The following NOC2L variants were observed in gnomAD, a reference collection of about 807,000 sequenced individuals.
The protein encoded by NOC2L is NOC2 like nucleolar associated transcriptional repressor.
NOC2L carries 101 observed loss-of-function variants against 94.2 expected under a neutral mutation model. The ratio of observed to expected loss-of-function variants is 1.07; its 90% CI spans 0.91 to 1.26. The LOEUF is 1.26. NOC2L is among the 50% of genes most tolerant of loss of function. NOC2L has a pLI of 0.00. For synonymous variants in NOC2L, 531 were observed against 413.4 expected (o/e 1.28, Z -3.45); for missense variants, 1,076 against 980.1 (o/e 1.10, Z -1.31).
chr1:955,019 C>T (rs971483507), intron 6 of NOC2L, among the ~76,000 whole-genome samples: 2 of 152,242 alleles, frequency 1.3e-5, no homozygotes, highest in Non-Finnish European at 2.9e-5. Context: ...TGCAGCTGCC[C>T]ACCCAGACCC....
Position 959,254 on chromosome 1 carries a change from A to G in NOC2L, c.-14T>C, listed in dbSNP as rs1437445890. The G allele has an allele frequency of 6.2e-7, 1 of 1,602,788 alleles. No individual in the cohort carries two copies. Among genetic ancestry groups the G allele is most frequent in the South Asian group, 1.1e-5 (1 of 89,890 alleles). On this transcript the variant is annotated 5_prime_UTR_variant, in exon 1 of 19. Transcript: ENST00000327044. Reference sequence around the variant, plus strand: ...CGCAGCTGCCATGACACCAACCCGAAGCGTGCACCCCACTTCCGGCCCCAG... The same window carrying G: ...CGCAGCTGCCATGACACCAACCCGAGGCGTGCACCCCACTTCCGGCCCCAG...
chr1:944,778 C>T lies in NOC2L; in HGVS notation c.2166G>A (p.Ala722=), dbSNP rs762600719. The T allele has an allele frequency of 6.3e-6, 10 of 1,596,594 alleles. No individual in the cohort carries two copies. Among genetic ancestry groups the T allele is most frequent in the African/African-American group, 2.7e-5 (2 of 74,490 alleles). ...NSEDGDPDAE[A]GLAPGELQQL... is the part of the protein sequence containing the mutation. ...GCTGCAGCTCCCCAGGGGCCAGCCC[C>T]GCCTCTGCGTCTGGGTCTCCATCTG... Residue 722 remains alanine (A), a synonymous_variant, in exon 19 of 19, where the codon GCG becomes GCA. Coordinates refer to ENST00000327044, the MANE Select transcript of NOC2L (RefSeq NM_015658.4).
At chr1:956,255 G>A (rs1244990422) in intron 4 of NOC2L, 40 bp from the exon 5 acceptor site, 6 of 1,606,958 alleles carry the variant, frequency 3.7e-6, no homozygotes, top group Non-Finnish European at 5.1e-6. Context: ...GGGGAGCTGA[G>A]ACTGCACTTG....
At chr1:958,532 G>C (rs1163156502) in intron 2 of NOC2L, 1 of 390,670 alleles carries the variant, frequency 2.6e-6, no homozygotes, top group African/African-American at 2.1e-5. Flanking sequence ...TTACAGGCGT[G>C]AGCCACCGAG....
Position 948,549 on chromosome 1 carries a change from T to C in NOC2L, c.1498A>G (p.Ile500Val), listed in dbSNP as rs780173891. ...RKPGRMSSKPINFSVILKLSN... is the reference protein window; with the variant it reads ...RKPGRMSSKPVNFSVILKLSN... ...AGCTTCAGGATCACGGAGAAGTTGA[T>C]GGGCTTGGAGCTCATGCGCCCTGGC... is the stretch of plus-strand genomic sequence containing the variant. The change falls in exon 13 of 19, where the codon ATC becomes GTC. Residue 500 changes from isoleucine (I) to valine (V), a missense_variant. Physicochemically the swap from Ile to Val is conservative, Grantham distance 29 (BLOSUM62 3). This residue lies in a region of NOC2L where 615 missense variants were observed against 577.4 expected (regional missense o/e 1.07). Coordinates refer to ENST00000327044, the MANE Select transcript of NOC2L (RefSeq NM_015658.4). The C allele has an allele frequency of 7.4e-6, 12 of 1,613,592 alleles. No homozygotes were observed. In the East Asian group the frequency reaches 1.6e-4, roughly 21 times the overall value.
At chr1:944,984 C>T in intron 18 of NOC2L, 73 bp downstream of exon 18, 1 of 1,605,454 alleles carries the variant, frequency 6.2e-7, no homozygotes, top group Non-Finnish European at 8.5e-7. Context: ...CCCCACGCCC[C>T]CCGCCCACGT....
chr1:945,648 T>C lies in NOC2L; in HGVS notation c.1923A>G (p.Glu641=), dbSNP rs1315068510. The C allele has an allele frequency of 1.2e-6, 2 of 1,614,074 alleles. No individual in the cohort carries two copies. Among genetic ancestry groups the C allele is most frequent in the Non-Finnish European group, 8.5e-7 (1 of 1,180,018 alleles). ...GTTTGATCTCAGGGAAGTTCAGGTC[T>C]TCCAGCTGGAAGGCCAAAGAACCAG... ...QLEISGKERL[E]DLNFPEIKRR... Residue 641 remains glutamate (E), a synonymous_variant, in exon 17 of 19, where the codon GAA becomes GAG. Transcript: ENST00000327044.
Position 944,806 on chromosome 1 carries a change from G to A in NOC2L, c.2144-6C>T, listed in dbSNP as rs1188928106. On this transcript the variant is annotated splice_polypyrimidine_tract_variant and splice_region_variant and intron_variant, in intron 18 of 18. Transcript: ENST00000327044. ...CTCTGCGTCTGGGTCTCCATCTGCG[G>A]GGAGAGATGGAGGCTACATAAATTT... 6.5e-6 allele frequency: 10 copies of A among 1,545,414 alleles called. No individual in the cohort carries two copies. The highest frequency in any genetic ancestry group is 8.8e-6 in the Non-Finnish European group (10 of 1,137,106).
chr1:948,079 C>G (rs1356768049), intron 14 of NOC2L, 52 bp downstream of exon 14: 2 of 1,436,676 alleles, frequency 1.4e-6, no homozygotes, highest in East Asian at 5.0e-5. Flanking sequence ...CAGCCAAGCC[C>G]GTTATAAGAC....
At chr1:951,263 C>G in intron 11 of NOC2L, 25 bp from the exon 12 acceptor site, 1 of 1,528,578 alleles carries the variant, frequency 6.5e-7, no homozygotes, top group African/African-American at 1.4e-5. Flanking sequence ...GCCGAGTGAG[C>G]AGAGGCCCCG....
At chr1:948,798 A>T (rs978350545) in intron 12 of NOC2L, among the ~76,000 whole-genome samples, 195 bp from the exon 13 acceptor site, 11 of 86,286 alleles carry the variant, frequency 1.3e-4, no homozygotes, top group African/African-American at 4.2e-4. Flanking sequence ...TCCCAGCCCC[A>T]TGGCCCCACA....
rs1642034879 is a variant in NOC2L, at chr1:944,631, C to T, written c.*63G>A. On this transcript the variant is annotated 3_prime_UTR_variant, in exon 19 of 19. Coordinates refer to ENST00000327044, the MANE Select transcript of NOC2L (RefSeq NM_015658.4). ...GACGCCAGCCTCTAGGCCTGACTGC[C>T]AGGGAGGTGGAAACACTGGCCACCA... The T allele has an allele frequency of 1.9e-6, 2 of 1,034,670 alleles. No individual in the cohort carries two copies. Among genetic ancestry groups the T allele is most frequent in the African/African-American group, 1.6e-5 (1 of 63,162 alleles). The allele number at this position is 1,034,670 out of a possible 1,614,324, so 64.1% of individuals were successfully genotyped here.
chr1:953,107 C>G, intron 9 of NOC2L, 68 bp downstream of exon 9: 1 of 1,173,996 alleles, frequency 8.5e-7, no homozygotes, highest in Non-Finnish European at 1.3e-6. Flanking sequence ...AAAGGCAGCC[C>G]GCCCTGCCCT....
chr1:948,825 C>T (rs187594576), intron 12 of NOC2L, among the ~76,000 whole-genome samples: 3 of 152,122 alleles, frequency 2.0e-5, no homozygotes, highest in South Asian at 2.1e-4. Context: ...GGCGTGTCCC[C>T]GAGTGGGGCT....
In NOC2L at chr1:957,039, C is replaced by G. The variant is rs781316830; in HGVS notation, c.355-14G>C. The G allele has an allele frequency of 1.9e-6, 3 of 1,614,086 alleles. No individual in the cohort carries two copies. Among genetic ancestry groups the G allele is most frequent in the Admixed American group, 1.7e-5 (1 of 60,038 alleles). On this transcript the variant is annotated splice_polypyrimidine_tract_variant and intron_variant, in intron 3 of 18. Transcript: ENST00000327044. The stretch of plus-strand genomic sequence containing the variant: ...CTCACTGGCTTCCTGCACAGAAAGG[C>G]TGAGCTGAAGGAGAGTGTAGAGACA...
At position 948,425 on chromosome 1, in the gene NOC2L, C is replaced by T. The variant is rs994336566; in HGVS notation, c.1557+65G>A. The T allele has an allele frequency of 4.7e-6, 6 of 1,268,444 alleles. No homozygotes were observed. In the African/African-American group the frequency reaches 7.3e-5, roughly 16 times the overall value. The allele number at this position is 1,268,444 out of a possible 1,614,324, so 78.6% of individuals were successfully genotyped here. On this transcript the variant is annotated intron_variant, in intron 13 of 18. Transcript: ENST00000327044. ...TGGAGGATGCCAGCCCCCTCCCATC[C>T]ACCTCAGCACCCCCAACCCCACCCT...
intron 12 of NOC2L, among the ~76,000 whole-genome samples, chr1:950,132 A>G (rs1463587833): frequency 6.6e-6 from 1 of 152,178 alleles, no homozygotes; most frequent in Non-Finnish European, 1.5e-5. Flanking sequence ...ACGCACGTAC[A>G]TGCACACAGG....
Position 955,392 on chromosome 1 carries a change from C to G in NOC2L, c.698+531G>C, listed in dbSNP as rs189826764. On this transcript the variant is annotated intron_variant, in intron 6 of 18. Transcript: ENST00000327044. Reference sequence around the variant, plus strand: ...ACATGGCTGCACAGCCCCGGAACCCCAACGTGCTCCATGCTCTACCAAATG... The same window carrying G: ...ACATGGCTGCACAGCCCCGGAACCCGAACGTGCTCCATGCTCTACCAAATG... 6.6e-3 allele frequency among the ~76,000 whole-genome samples: 1,004 copies of G among 152,346 alleles called. 11 individuals carry two copies. Among genetic ancestry groups the G allele is most frequent in the African/African-American group, 0.023 (948 of 41,568 alleles).
chr1:959,248 A>ACCCGAAGCGTGCACC lies in NOC2L; in HGVS notation c.-9_-8insGGTGCACGCTTCGGG, dbSNP rs1557625314. On this transcript the variant is annotated 5_prime_UTR_variant, in exon 1 of 19. Transcript: ENST00000327044. ...GCTCCCCGCAGCTGCCATGACACCA[A>ACCCGAAGCGTGCACC]CCCGAAGCGTGCACCCCACTTCCGG... 1.2e-6 allele frequency: 2 copies of ACCCGAAGCGTGCACC among 1,604,264 alleles called. No homozygotes were observed. The highest frequency in any genetic ancestry group is 8.5e-7 in the Non-Finnish European group (1 of 1,176,228).
Sources: allele counts gnomAD v4.1 joint callset (sites outside exome capture counted in the v4.1 genomes callset), GRCh38; gene constraint gnomAD v4.1.1; regional missense constraint gnomAD v4.1.1; transcripts MANE v1.5; gene names NCBI Gene and HGNC (gene_info 2026-07-23, HGNC 2026-07-21).